The following AVEN variants were observed in gnomAD, a reference collection of about 807,000 sequenced individuals.
The protein encoded by AVEN is apoptosis and caspase activation inhibitor, also known as cell death regulator Aven.
Under a neutral mutation model 38.1 loss-of-function variants are expected in AVEN, and 41 were observed. The ratio of observed to expected loss-of-function variants is 1.08; its 90% CI spans 0.84 to 1.40. The LOEUF is 1.40. Ranked by LOEUF, AVEN falls within the 40% of genes most tolerant of loss-of-function variation. AVEN has a pLI of 0.00. For missense variants in AVEN, 605 were observed against 438.8 expected (o/e 1.38, Z -3.38); for synonymous variants, 206 against 171.8 (o/e 1.20, Z -1.56).
chr15:33,901,853 C>T (rs1892508868), intron 2 of AVEN, among the ~76,000 whole-genome samples: 1 of 147,620 alleles, frequency 6.8e-6, no homozygotes, highest in Non-Finnish European at 1.5e-5. Context: ...ACTTTTTAAA[C>T]AGATTGTTTT....
chr15:34,022,699 G>A (rs907506895), intron 1 of AVEN, among the ~76,000 whole-genome samples: 3 of 152,190 alleles, frequency 2.0e-5, no homozygotes, highest in Non-Finnish European at 2.9e-5. Context: ...CTGCTTCACA[G>A]AATTTTAAAG....
chr15:33,919,856 C>G (rs1052144734), intron 2 of AVEN, among the ~76,000 whole-genome samples: 1 of 152,222 alleles, frequency 6.6e-6, no homozygotes, highest in Non-Finnish European at 1.5e-5. Context: ...CAACAGATTT[C>G]CATTCATAAT....
At chr15:33,891,193 C>T (rs1891939095) in intron 2 of AVEN, among the ~76,000 whole-genome samples, 1 of 151,626 alleles carries the variant, frequency 6.6e-6, no homozygotes, top group South Asian at 2.1e-4. Flanking sequence ...AAATTTATCC[C>T]CACAGAAATT....
chr15:34,040,768 A>C (rs7168640), upstream of AVEN, among the ~76,000 whole-genome samples: 26,220 of 152,040 alleles, frequency 0.17, 2,654 homozygotes, highest in Middle Eastern at 0.28. Flanking sequence ...TTCTACAAAA[A>C]TTAGCTGGGC....
intron 1 of AVEN, among the ~76,000 whole-genome samples, chr15:34,029,559 T>G (rs1898672014): frequency 6.7e-6 from 1 of 149,920 alleles, no homozygotes; most frequent in Non-Finnish European, 1.5e-5. Context: ...GGAAATGGTT[T>G]TAAAACTTTA....
intron 5 of AVEN, among the ~76,000 whole-genome samples, chr15:34,056,659 T>G (rs1368316775): frequency 6.6e-6 from 1 of 152,160 alleles, no homozygotes; most frequent in Non-Finnish European, 1.5e-5. Context: ...GCCTCGGCTC[T>G]CCTCAAGGTT....
chr15:34,069,679 A>T (rs534278729), intron 2 of AVEN, among the ~76,000 whole-genome samples: 1 of 152,188 alleles, frequency 6.6e-6, no homozygotes, highest in African/African-American at 2.4e-5. Context: ...AGATTTGCTT[A>T]TAATTTTTTT....
chr15:33,852,394 A>G, the AVEN span: 1 of 152,218 alleles, frequency 6.6e-6, no homozygotes, highest in East Asian at 1.9e-4. Context: ...CAGAGAGAAG[A>G]AAGATCATCT....
rs577827796 is a variant in AVEN, at chr15:33,997,020, G to A, written c.445+6012C>T. 7.2e-5 allele frequency among the ~76,000 whole-genome samples: 11 copies of A among 152,270 alleles called. No individual in the cohort carries two copies. In the South Asian group the frequency reaches 1.5e-3, roughly 20 times the overall value. Reference sequence around the variant, plus strand: ...GCGTAGAGAAGACCTTAAATTACCCGATGGGGCTGAAAACCATGGCACAAG... The same window carrying A: ...GCGTAGAGAAGACCTTAAATTACCCAATGGGGCTGAAAACCATGGCACAAG... On this transcript the variant is annotated intron_variant, in intron 2 of 5. Coordinates refer to ENST00000306730, the MANE Select transcript of AVEN (RefSeq NM_020371.3).
chr15:33,865,337 C>T, downstream of AVEN: 1 of 750,620 alleles, frequency 1.3e-6, no homozygotes, highest in South Asian at 2.0e-5. Context: ...TAAATGCCTC[C>T]CTTAAAAAAA....
At chr15:33,854,910 C>G, downstream of AVEN, 1 of 1,609,226 alleles carries the variant, frequency 6.2e-7, no homozygotes, top group Non-Finnish European at 8.5e-7. Flanking sequence ...CAATGGCAAA[C>G]AGGTATGGTT....
At chr15:34,068,112 C>A (rs1380506368) in intron 2 of AVEN, among the ~76,000 whole-genome samples, 1 of 144,328 alleles carries the variant, frequency 6.9e-6, no homozygotes, top group Non-Finnish European at 1.5e-5. Context: ...TGTGCCTGCT[C>A]TCTCTGTATG....
At chr15:34,044,578 T>C (rs113236748) in intron 5 of AVEN, among the ~76,000 whole-genome samples, 1 of 342 alleles carries the variant, frequency 2.9e-3, no homozygotes, top group African/African-American at 3.5e-3. Flanking sequence ...TTGGCACACA[T>C]AGAAAATGGT....
At chr15:33,854,498 T>C (rs1391497287), downstream of AVEN, 2 of 1,461,782 alleles carry the variant, frequency 1.4e-6, no homozygotes, top group East Asian at 2.4e-5. Context: ...AGTTCAGGGA[T>C]GCCACAGAGA....
intron 2 of AVEN, among the ~76,000 whole-genome samples, chr15:33,978,329 G>A (rs1895979391): frequency 6.6e-6 from 1 of 152,068 alleles, no homozygotes; most frequent in South Asian, 2.1e-4. Context: ...ACAGAGTGGG[G>A]GAGTACATTT....
chr15:33,887,481 CT>C, intron 2 of AVEN, among the ~76,000 whole-genome samples: 1 of 152,180 alleles, frequency 6.6e-6, no homozygotes, highest in Admixed American at 6.5e-5. Context: ...TGTTTACTAC[CT>C]TTCTAGGGGA....
downstream of AVEN, among the ~76,000 whole-genome samples, chr15:33,862,504 G>C (rs1008565578): frequency 6.6e-6 from 1 of 152,230 alleles, no homozygotes; most frequent in Non-Finnish European, 1.5e-5. Context: ...ACTGGGCTGA[G>C]CCCTCATCTT....
chr15:33,966,142 A>G (rs1895371151), intron 2 of AVEN, among the ~76,000 whole-genome samples: 1 of 152,156 alleles, frequency 6.6e-6, no homozygotes, highest in South Asian at 2.1e-4. Context: ...AGTTCCCTCT[A>G]TAACCACTTT....
At chr15:34,069,964 T>C (rs935593274) in intron 2 of AVEN, among the ~76,000 whole-genome samples, 6 of 152,186 alleles carry the variant, frequency 3.9e-5, no homozygotes, top group African/African-American at 1.2e-4. Flanking sequence ...TTCCCACCTG[T>C]ATTAGTCTGT....
Sources: gnomAD v4.1 joint callset for allele counts (sites outside exome capture counted in the v4.1 genomes callset) on GRCh38, gnomAD v4.1.1 for gene constraint, MANE v1.5 for transcripts, NCBI Gene and HGNC (gene_info 2026-07-23, HGNC 2026-07-21) for gene names.